ITGA4: variants seen among roughly 807,000 people sequenced by gnomAD.
The protein encoded by ITGA4 is integrin subunit alpha 4, also known as integrin alpha-4.
In ITGA4, 63 loss-of-function variants were observed where a neutral mutation model predicts 133.6. The ratio of observed to expected loss-of-function variants is 0.47; its 90% confidence interval spans 0.38 to 0.58. ITGA4 has a LOEUF of 0.58. Among genes scored for constraint, ITGA4 ranks in the 20% least tolerant of loss-of-function variants. ITGA4 has a pLI of 0.00. For missense variants in ITGA4, 1,076 were observed against 1,252.7 expected, an observed-to-expected ratio of 0.86 and a Z score of 2.13; for synonymous variants, 483 against 438.0, an observed-to-expected ratio of 1.10 and a Z score of -1.28.
chr2:181,482,790 C>T (rs1486401877), intron 9 of ITGA4, 139 bp downstream of exon 9: 2 of 694,736 alleles, frequency 2.9e-6, no homozygotes, highest in Non-Finnish European at 4.8e-6. Flanking sequence ...TACTGATGCT[C>T]TAAAAATTAA....
intron 7 of ITGA4, among the ~76,000 whole-genome samples, chr2:181,482,117 C>T (rs1048690511): frequency 1.3e-5 from 2 of 152,168 alleles, no homozygotes; most frequent in Admixed American, 6.6e-5. Flanking sequence ...AGGCAAACAA[C>T]ACTTCCGGTG....
intron 2 of ITGA4, among the ~76,000 whole-genome samples, chr2:181,465,055 T>C (rs1685379260): frequency 6.6e-6 from 1 of 152,162 alleles, no homozygotes; most frequent in Non-Finnish European, 1.5e-5. Context: ...GGACTCCTTG[T>C]GTGCAGTGGA....
At chr2:181,462,451 T>A (rs1685308032) in intron 2 of ITGA4, among the ~76,000 whole-genome samples, 1 of 152,192 alleles carries the variant, frequency 6.6e-6, no homozygotes, top group African/African-American at 2.4e-5. Context: ...TTCATAGGAG[T>A]TATTAGCTTA....
chr2:181,504,946 T>C (rs192070534), intron 15 of ITGA4, among the ~76,000 whole-genome samples: 56 of 151,972 alleles, frequency 3.7e-4, no homozygotes, highest in Middle Eastern at 3.4e-3. Flanking sequence ...TTATATAAGA[T>C]GGTGATGGTT....
intron 15 of ITGA4, among the ~76,000 whole-genome samples, chr2:181,507,036 A>G (rs1309740694): frequency 6.6e-6 from 1 of 152,112 alleles, no homozygotes; most frequent in Non-Finnish European, 1.5e-5. Context: ...TCTATTTTTT[A>G]AGATGAGAAG....
chr2:181,463,294 C>T (rs989974199), intron 2 of ITGA4, among the ~76,000 whole-genome samples: 1 of 152,068 alleles, frequency 6.6e-6, no homozygotes, highest in African/African-American at 2.4e-5. Flanking sequence ...TATGAATTTA[C>T]CCTAGGATAT....
intron 15 of ITGA4, among the ~76,000 whole-genome samples, chr2:181,508,413 CG>C (rs1252374794): frequency 2.6e-5 from 4 of 151,938 alleles, no homozygotes; most frequent in Non-Finnish European, 5.9e-5. Context: ...AAAACAAAAA[CG>C]GCTGGGCGCG....
At chr2:181,499,516 GC>G (rs1686224779) in intron 15 of ITGA4, among the ~76,000 whole-genome samples, 1 of 152,196 alleles carries the variant, frequency 6.6e-6, no homozygotes, top group African/African-American at 2.4e-5. Flanking sequence ...ATTCCCAGGA[GC>G]CCTTTCTGGG....
intron 4 of ITGA4, 88 bp downstream of exon 4, chr2:181,475,376 C>G (rs1451820011): frequency 9.5e-7 from 1 of 1,054,836 alleles, no homozygotes; most frequent in Non-Finnish European, 1.4e-6. Context: ...TTTAGATGTT[C>G]AGAGGAGAGG....
Position 181,518,887 on chromosome 2 carries a change from G to C in ITGA4, c.1923-3304G>C, listed in dbSNP as rs556683066. On this transcript the variant is annotated intron_variant, in intron 17 of 27. Transcript: ENST00000397033. ...ATAGTTTGTCAATATAACTTAGGCT[G>C]GTTGTGAAAGTAAGCCAAGATTCAA... is the stretch of plus-strand genomic sequence containing the variant. Among the ~76,000 whole-genome samples the C allele has an allele frequency of 3.9e-5, 6 of 152,040 alleles. No homozygotes were observed. In the South Asian group the frequency reaches 1.2e-3, roughly 32 times the overall value.
At chr2:181,468,996 A>C (rs1381435130) in intron 2 of ITGA4, among the ~76,000 whole-genome samples, 1 of 152,190 alleles carries the variant, frequency 6.6e-6, no homozygotes, top group Non-Finnish European at 1.5e-5. Context: ...GATTTGATTT[A>C]CTAAGAGTTT....
intron 25 of ITGA4, among the ~76,000 whole-genome samples, chr2:181,532,362 C>T (rs1221080874): frequency 1.3e-5 from 2 of 152,118 alleles, no homozygotes; most frequent in Non-Finnish European, 1.5e-5. Context: ...GCCATTTTCA[C>T]GATATTGATT....
chr2:181,508,119 AT>A (rs1163819940), intron 15 of ITGA4, among the ~76,000 whole-genome samples: 1 of 152,112 alleles, frequency 6.6e-6, no homozygotes, highest in African/African-American at 2.4e-5. Flanking sequence ...GCATATAGAA[AT>A]AAAGGTTAAA....
intron 9 of ITGA4, among the ~76,000 whole-genome samples, chr2:181,485,062 A>G (rs1685883481): frequency 6.6e-6 from 1 of 151,956 alleles, no homozygotes; most frequent in African/African-American, 2.4e-5. Flanking sequence ...TATTGTAGTA[A>G]CTCATCTTCC....
At chr2:181,533,433 G>T (rs79248375) in intron 25 of ITGA4, among the ~76,000 whole-genome samples, 2,781 of 152,254 alleles carry the variant, frequency 0.018, 71 homozygotes, top group African/African-American at 0.063. Context: ...TCTAGGTCTA[G>T]GTTTTCCATC....
rs1404304849 is a variant in ITGA4 at position 181,535,589 on chromosome 2, GAC to G, written c.*65_*66del. On this transcript the variant is annotated 3_prime_UTR_variant, in exon 28 of 28. Transcript: ENST00000397033. ...CAGGTTGTAGTAAAGAAATTTAAAA[GAC>G]ACTGTTTACAAGAAAAAATGAATTT... 6.5e-7 allele frequency: 1 copy of G among 1,528,666 alleles called. No individual in the cohort carries two copies. The highest frequency in any genetic ancestry group is 1.4e-5 in the African/African-American group (1 of 71,732). The allele number at this position is 1,528,666 out of a possible 1,614,324, so 94.7% of individuals were successfully genotyped here.
At chr2:181,475,767 A>G in intron 4 of ITGA4, 1 of 1,557,848 alleles carries the variant, frequency 6.4e-7, no homozygotes, top group Non-Finnish European at 8.7e-7. Flanking sequence ...AAGCAGCAAG[A>G]GATTCGTGTC....
intron 25 of ITGA4, among the ~76,000 whole-genome samples, chr2:181,533,259 T>C (rs578208310): frequency 1.7e-4 from 26 of 152,280 alleles, no homozygotes; most frequent in Admixed American, 5.2e-4. Flanking sequence ...ATGGCAGCTG[T>C]TATGTTCAAG....
Position 181,536,967 on chromosome 2 carries a change from C to A in ITGA4, c.*1440C>A, listed in dbSNP as rs199901988. 11 of 452,342 alleles carry A rather than the reference C, an allele frequency of 2.4e-5. No homozygotes were observed. The highest frequency in any genetic ancestry group is 4.9e-5 in the Non-Finnish European group (11 of 226,266). 28.0% of individuals were successfully genotyped at this position (452,342 alleles called of 1,614,324 possible). ...GAAGTCCCTGCCACTAGCCAGCCAT[C>A]CTAATTGATGAAAGTTATCTGTTCA... On this transcript the variant is annotated 3_prime_UTR_variant, in exon 28 of 28. Transcript: ENST00000397033.
Sources: allele counts gnomAD v4.1 joint callset (sites outside exome capture counted in the v4.1 genomes callset), GRCh38; gene constraint gnomAD v4.1.1; transcripts MANE v1.5; gene names NCBI Gene and HGNC (gene_info 2026-07-23, HGNC 2026-07-21).